The following PCLO variants were observed in gnomAD, a reference collection of about 807,000 sequenced individuals.
PCLO encodes protein piccolo.
A neutral mutation model predicts 427.5 loss-of-function variants in PCLO; 82 were observed. That is an observed-to-expected ratio of 0.19 (90% CI 0.16 to 0.23). PCLO has a LOEUF of 0.23. Among genes scored for constraint, PCLO ranks in the 10% least tolerant of loss-of-function variants. PCLO has a pLI of 1.00. For synonymous variants in PCLO, 2,357 were observed against 2,155.4 expected (o/e 1.09, Z -2.59); for missense variants, 6,239 against 6,115.9 (o/e 1.02, Z -0.67).
intron 22 of PCLO, among the ~76,000 whole-genome samples, chr7:82,783,503 T>C (rs1433494929): frequency 2.0e-5 from 3 of 152,082 alleles, no homozygotes; most frequent in African/African-American, 7.2e-5. Flanking sequence ...GCTCCTGTAG[T>C]GCCAGCTACT....
intron 3 of PCLO, among the ~76,000 whole-genome samples, chr7:83,079,990 G>C (rs1790055546): frequency 6.6e-6 from 1 of 151,838 alleles, no homozygotes; most frequent in Non-Finnish European, 1.5e-5. Flanking sequence ...TTCTGTTACT[G>C]AGTTAGTTTG....
chr7:83,068,603 A>G (rs1174954099), intron 3 of PCLO, among the ~76,000 whole-genome samples: 1 of 152,188 alleles, frequency 6.6e-6, no homozygotes, highest in African/African-American at 2.4e-5. Flanking sequence ...ACCTGTTAGA[A>G]TAGCTGTTAT....
At chr7:82,813,469 T>G (rs1584001831) in intron 20 of PCLO, among the ~76,000 whole-genome samples, 1 of 151,888 alleles carries the variant, frequency 6.6e-6, no homozygotes, top group South Asian at 2.1e-4. Context: ...TTAAACATGA[T>G]GATGTTTGGT....
chr7:83,044,267 C>T (rs866962438), intron 3 of PCLO, among the ~76,000 whole-genome samples: 25 of 152,272 alleles, frequency 1.6e-4, no homozygotes, highest in Middle Eastern at 3.4e-3. Flanking sequence ...CTTCCCTCCA[C>T]ACATGGCGAT....
At chr7:82,876,495 A>C (rs1055019401) in intron 10 of PCLO, among the ~76,000 whole-genome samples, 6 of 137,878 alleles carry the variant, frequency 4.4e-5, no homozygotes, top group South Asian at 2.3e-4. Context: ...CACATACACC[A>C]CACACACGTA....
rs1791671657 is a variant in PCLO, at chr7:83,134,736, G to T, written c.2814C>A (p.Ile938=). Reference sequence around the variant, plus strand: ...AAATTAAATTTGATGCCTGGCTGAAGATTGATGCTCCAAACCCAAAGAGTT... The same window carrying T: ...AAATTAAATTTGATGCCTGGCTGAATATTGATGCTCCAAACCCAAAGAGTT... ...TGKLFGFGAS[I]FSQASNLIST... Residue 938 remains isoleucine (I), a synonymous_variant, in exon 3 of 25, where the codon ATC becomes ATA. Coordinates refer to ENST00000333891, the MANE Select transcript of PCLO (RefSeq NM_033026.6). 6.2e-7 allele frequency: 1 copy of T among 1,613,922 alleles called. No homozygotes were observed. Among genetic ancestry groups the T allele is most frequent in the Non-Finnish European group, 8.5e-7 (1 of 1,179,878 alleles).
intron 22 of PCLO, among the ~76,000 whole-genome samples, chr7:82,766,513 G>A (rs551224877): frequency 2.0e-5 from 3 of 152,076 alleles, no homozygotes; most frequent in Non-Finnish European, 4.4e-5. Flanking sequence ...ATACCTGGGA[G>A]GGAAGGAAAA....
chr7:82,794,948 A>T (rs145960935), intron 22 of PCLO, among the ~76,000 whole-genome samples: 1 of 152,076 alleles, frequency 6.6e-6, no homozygotes, highest in Non-Finnish European at 1.5e-5. Context: ...TATATGTGTT[A>T]TTATTATTTA....
intron 3 of PCLO, among the ~76,000 whole-genome samples, chr7:83,085,138 C>T (rs2116413448): frequency 6.6e-6 from 1 of 152,226 alleles, no homozygotes; most frequent in East Asian, 1.9e-4. Context: ...TTACCCAGCA[C>T]AACTTTACAT....
chr7:82,844,912 T>C (rs1792459535), intron 13 of PCLO, among the ~76,000 whole-genome samples: 1 of 152,118 alleles, frequency 6.6e-6, no homozygotes, highest in Non-Finnish European at 1.5e-5. Flanking sequence ...TACTTAATTA[T>C]AAAATCTAAT....
intron 22 of PCLO, among the ~76,000 whole-genome samples, chr7:82,774,653 C>G (rs1325816622): frequency 6.6e-6 from 1 of 151,996 alleles, no homozygotes; most frequent in Non-Finnish European, 1.5e-5. Flanking sequence ...CTGTATACAC[C>G]CTGTCCCCAG....
intron 3 of PCLO, among the ~76,000 whole-genome samples, chr7:83,051,351 A>G (rs994060306): frequency 3.3e-5 from 5 of 152,192 alleles, no homozygotes; most frequent in Admixed American, 2.0e-4. Context: ...ATAAGTGATT[A>G]TAGCAAGGTT....
intron 3 of PCLO, among the ~76,000 whole-genome samples, chr7:82,977,906 G>A (rs1222912505): frequency 6.6e-6 from 1 of 152,004 alleles, no homozygotes. Flanking sequence ...ACACTAAGGG[G>A]CTTATTTTTG....
At chr7:82,881,197 G>C (rs1461753014) in intron 9 of PCLO, among the ~76,000 whole-genome samples, 1 of 152,062 alleles carries the variant, frequency 6.6e-6, no homozygotes, top group Non-Finnish European at 1.5e-5. Context: ...GCCAACATAG[G>C]AGACAGAAAC....
intron 3 of PCLO, among the ~76,000 whole-genome samples, chr7:83,093,114 TTG>T (rs1293929258): frequency 6.6e-6 from 1 of 152,016 alleles, no homozygotes; most frequent in Non-Finnish European, 1.5e-5. Flanking sequence ...ATCCAGAATT[TTG>T]TGTCTTCTTT....
At chr7:82,815,657 C>T (rs895370006) in intron 20 of PCLO, among the ~76,000 whole-genome samples, 8 of 152,036 alleles carry the variant, frequency 5.3e-5, no homozygotes, top group Non-Finnish European at 8.8e-5. Flanking sequence ...CTTTCTTATA[C>T]ATTTGGAAAT....
intron 3 of PCLO, among the ~76,000 whole-genome samples, chr7:83,038,734 G>T (rs916062548): frequency 5.3e-5 from 8 of 151,856 alleles, no homozygotes; most frequent in Admixed American, 3.3e-4. Context: ...TGTCTCTTCG[G>T]TATCTATGTA....
intron 3 of PCLO, among the ~76,000 whole-genome samples, chr7:83,064,769 G>T (rs1460382856): frequency 2.7e-4 from 41 of 151,868 alleles, no homozygotes. Flanking sequence ...AGAAAATCAT[G>T]AGTTCATCTG....
chr7:83,038,035 ATATTTATATATATATCTT>A (rs1562933017), intron 3 of PCLO, among the ~76,000 whole-genome samples: 18 of 50,896 alleles, frequency 3.5e-4, no homozygotes, highest in Admixed American at 9.2e-4. Context: ...ATATATTTAT[ATATTTATATATATATCTT>A]TATATATATA....
Sources: allele counts gnomAD v4.1 joint callset (sites outside exome capture counted in the v4.1 genomes callset), GRCh38; gene constraint gnomAD v4.1.1; transcripts MANE v1.5; gene names NCBI Gene and HGNC (gene_info 2026-07-23, HGNC 2026-07-21).